The following SOX5 variants were observed in gnomAD, a reference collection of about 807,000 sequenced individuals.
SOX5 encodes transcription factor SOX-5.
In SOX5, 9 loss-of-function variants were observed where a neutral mutation model predicts 92.0. The observed-to-expected ratio is 0.10, with a 90% CI of 0.06 to 0.17. The LOEUF is 0.17. Among genes scored for constraint, SOX5 ranks in the 10% least tolerant of loss-of-function variants. The pLI is 1.00. For missense variants in SOX5, 642 were observed against 944.5 expected (o/e 0.68, Z 4.20); for synonymous variants, 344 against 336.3 (o/e 1.02, Z -0.25).
chr12:23,949,827 A>G (rs1380262260), upstream of SOX5: 5 of 397,062 alleles, frequency 1.3e-5, no homozygotes, highest in African/African-American at 1.5e-4. Flanking sequence ...TCTCTCTCCT[A>G]GGACTCCTTG....
At chr12:24,382,706 C>A (rs1413260646) in intron 1 of SOX5, among the ~76,000 whole-genome samples, 1 of 152,102 alleles carries the variant, frequency 6.6e-6, no homozygotes, top group Non-Finnish European at 1.5e-5. Context: ...CTTGACCAGA[C>A]AGGAAATAGC....
chr12:23,608,988 GT>G (rs2075620858), intron 8 of SOX5, among the ~76,000 whole-genome samples: 1 of 152,162 alleles, frequency 6.6e-6, no homozygotes, highest in African/African-American at 2.4e-5. Context: ...GTAACTGTAT[GT>G]CACTGTCGAA....
intron 8 of SOX5, among the ~76,000 whole-genome samples, chr12:23,613,335 G>GA (rs11312857): frequency 3.1e-4 from 45 of 144,280 alleles, no homozygotes; most frequent in South Asian, 6.7e-4. Flanking sequence ...TATCAAAAGA[G>GA]AAAAAAAAAA....
intron 2 of SOX5, among the ~76,000 whole-genome samples, chr12:24,364,543 TAC>T (rs1491122851): frequency 1.5e-5 from 2 of 137,470 alleles, no homozygotes; most frequent in African/African-American, 5.3e-5. Context: ...TATATATATA[TAC>T]ACGAATAAAT....
intron 3 of SOX5, among the ~76,000 whole-genome samples, chr12:23,844,254 GA>G (rs1272370793): frequency 3.9e-5 from 6 of 152,300 alleles, no homozygotes; most frequent in Non-Finnish European, 8.8e-5. Context: ...CTGCATACAG[GA>G]AAATATCAAA....
intron 3 of SOX5, among the ~76,000 whole-genome samples, chr12:24,274,439 T>C (rs535398639): frequency 1.3e-5 from 2 of 152,312 alleles, no homozygotes; most frequent in East Asian, 3.9e-4. Context: ...GTCACACCAG[T>C]GTCCACATAG....
At chr12:23,588,673 G>T (rs1280766419) in intron 9 of SOX5, among the ~76,000 whole-genome samples, 1 of 151,380 alleles carries the variant, frequency 6.6e-6, no homozygotes, top group African/African-American at 2.4e-5. Flanking sequence ...CCATCACATT[G>T]CCAGATAAAA....
At chr12:23,942,148 T>C (rs942131653) in intron 1 of SOX5, among the ~76,000 whole-genome samples, 1 of 151,828 alleles carries the variant, frequency 6.6e-6, no homozygotes, top group African/African-American at 2.4e-5. Context: ...GAAAAATTAA[T>C]AGTATAATAA....
chr12:23,765,371 A>T (rs1222813005), intron 3 of SOX5, among the ~76,000 whole-genome samples: 1 of 113,760 alleles, frequency 8.8e-6, no homozygotes, highest in South Asian at 3.6e-4. Flanking sequence ...TGTGAAGTCA[A>T]AAGTGTAAAA....
intron 4 of SOX5, among the ~76,000 whole-genome samples, chr12:24,131,674 C>G (rs1474782433): frequency 6.6e-6 from 1 of 152,082 alleles, no homozygotes; most frequent in Admixed American, 6.6e-5. Context: ...ATGATTTTAG[C>G]TCTGCAGCTG....
intron 3 of SOX5, among the ~76,000 whole-genome samples, chr12:23,798,160 A>G (rs1292121345): frequency 6.6e-6 from 1 of 151,832 alleles, no homozygotes; most frequent in African/African-American, 2.4e-5. Flanking sequence ...TATTCATTAT[A>G]TTTTTAATCT....
intron 4 of SOX5, among the ~76,000 whole-genome samples, chr12:24,153,860 TAC>T (rs35435417): frequency 2.0e-5 from 3 of 151,654 alleles, no homozygotes; most frequent in South Asian, 2.1e-4. Flanking sequence ...CTCACTTGAA[TAC>T]ACACACACAC....
chr12:23,904,840 C>T (rs2097274629), intron 1 of SOX5, among the ~76,000 whole-genome samples: 1 of 152,166 alleles, frequency 6.6e-6, no homozygotes, highest in South Asian at 2.1e-4. Context: ...TTCACTTCTT[C>T]ACCACCTTTT....
intron 2 of SOX5, among the ~76,000 whole-genome samples, chr12:24,341,386 G>A (rs987523350): frequency 1.3e-5 from 2 of 152,184 alleles, no homozygotes; most frequent in Non-Finnish European, 2.9e-5. Context: ...GCTGAGATGG[G>A]AGGATTGCTT....
At chr12:23,624,995 T>C (rs1424740019) in intron 8 of SOX5, among the ~76,000 whole-genome samples, 1 of 152,192 alleles carries the variant, frequency 6.6e-6, no homozygotes, top group Non-Finnish European at 1.5e-5. Context: ...GATTGATCCC[T>C]ATATATGTAT....
intron 4 of SOX5, among the ~76,000 whole-genome samples, chr12:23,976,346 G>A (rs1475150147): frequency 7.8e-6 from 1 of 128,770 alleles, no homozygotes; most frequent in Admixed American, 9.3e-5. Flanking sequence ...TAGAGATGAT[G>A]TATTTAAATA....
chr12:23,546,506 A>ACAT, intron 11 of SOX5, 82 bp from the exon 12 acceptor site: 2 of 748,368 alleles, frequency 2.7e-6, no homozygotes, highest in Non-Finnish European at 4.6e-6. Flanking sequence ...CATATATAAT[A>ACAT]CATTAACTCC....
At chr12:24,152,722 T>C (rs1300879386) in intron 4 of SOX5, among the ~76,000 whole-genome samples, 5 of 152,138 alleles carry the variant, frequency 3.3e-5, no homozygotes, top group Non-Finnish European at 7.4e-5. Flanking sequence ...TTTTTGAACA[T>C]GTCATCATAC....
chr12:24,485,139 T>C (rs1946390237), intron 1 of SOX5, among the ~76,000 whole-genome samples: 1 of 152,114 alleles, frequency 6.6e-6, no homozygotes, highest in African/African-American at 2.4e-5. Flanking sequence ...GAAACACAAG[T>C]TATTCAACAG....
Sources: allele counts gnomAD v4.1 joint callset (sites outside exome capture counted in the v4.1 genomes callset), GRCh38; gene constraint gnomAD v4.1.1; transcripts MANE v1.5; gene names NCBI Gene and HGNC (gene_info 2026-07-23, HGNC 2026-07-21).